Variants in CLCN7 observed in about 807,000 individuals in gnomAD.
The protein encoded by CLCN7 is Cl-/H+ antiporter 7, also known as H(+)/Cl(-) exchange transporter 7.
A neutral mutation model predicts 102.1 loss-of-function variants in CLCN7; 60 were observed. That is an observed-to-expected ratio of 0.59 (90% confidence interval 0.48 to 0.73). The LOEUF is 0.73. Ranked by LOEUF, CLCN7 falls within the 30% of genes least tolerant of loss-of-function variation. The probability of loss-of-function intolerance (pLI) is 0.00; values close to 1 mark genes in which losing one functional copy is unlikely to be tolerated. For synonymous variants in CLCN7, 560 were observed against 490.5 expected (o/e 1.14, Z -1.87); for missense variants, 962 against 1,125.7 (o/e 0.85, Z 2.08).
At position 1,459,236 on chromosome 16, in the gene CLCN7, G is replaced by A. The variant is rs756091120; in HGVS notation, c.595-49C>T. The A allele has an allele frequency of 5.9e-6, 9 of 1,537,782 alleles. No individual in the cohort carries two copies. The South Asian group carries it at 6.8e-5, about 12-fold the overall frequency. ...AGTGGGTCACGGCCAGGCTGAGACA[G>A]ATGCAGCCCCTCAGCCCCAGGAGCC... On this transcript the variant is annotated intron_variant, in intron 6 of 24. Coordinates refer to ENST00000382745, the MANE Select transcript of CLCN7 (RefSeq NM_001287.6).
At chr16:1,447,325 G>A in intron 23 of CLCN7, 67 bp downstream of exon 23, 1 of 1,472,220 alleles carries the variant, frequency 6.8e-7, no homozygotes, top group South Asian at 1.3e-5. Context: ...CCCTCCCCGA[G>A]GCTCTGGACC....
At chr16:1,470,201 T>C (rs2039058526) in intron 1 of CLCN7, among the ~76,000 whole-genome samples, 1 of 152,240 alleles carries the variant, frequency 6.6e-6, no homozygotes, top group South Asian at 2.1e-4. Context: ...CTTGCTATGT[T>C]GCCCAGGCTG....
At chr16:1,459,430 C>A (rs1356520652) in intron 6 of CLCN7, 5 of 442,948 alleles carry the variant, frequency 1.1e-5, no homozygotes, top group African/African-American at 4.7e-5. Flanking sequence ...TCAGCACACA[C>A]GTCGGGGCAT....
chr16:1,454,314 T>C, intron 13 of CLCN7, 97 bp downstream of exon 13: 1 of 1,310,288 alleles, frequency 7.6e-7, no homozygotes, highest in Non-Finnish European at 1.1e-6. Flanking sequence ...GAGGGCAGGC[T>C]CCAGGGAGCC....
At position 1,460,933 on chromosome 16, in the gene CLCN7, C is replaced by A. The variant is rs1225191254; in HGVS notation, c.367G>T (p.Glu123Ter). Residue 123 changes from glutamate (E) to a stop codon, truncating the protein, a stop_gained, in exon 5 of 25, where the codon GAG becomes TAG. Coordinates refer to ENST00000382745, the MANE Select transcript of CLCN7 (RefSeq NM_001287.6). LOFTEE classifies it high-confidence loss of function. ...GCGCAGATGACCCAGCGCTTGATCTCCACCGTCCGGAAGGCCTGCAGGGCG... is the reference window on the plus strand; with the variant it reads ...GCGCAGATGACCCAGCGCTTGATCTACACCGTCCGGAAGGCCTGCAGGGCG... ...RINHTAFRTV[E>*]IKRWVICALI... 1 of 1,613,520 alleles carries A rather than the reference C, an allele frequency of 6.2e-7. No homozygotes were observed. The highest frequency in any genetic ancestry group is 1.7e-5 in the Admixed American group (1 of 60,012).
intron 21 of CLCN7, among the ~76,000 whole-genome samples, chr16:1,448,007 A>G (rs2038681032): frequency 1.3e-5 from 2 of 152,190 alleles, no homozygotes; most frequent in Admixed American, 6.5e-5. Flanking sequence ...CTGGGTCCCA[A>G]TAAAAACCAA....
chr16:1,464,362 T>A (rs1353527739), intron 2 of CLCN7, among the ~76,000 whole-genome samples: 1 of 152,018 alleles, frequency 6.6e-6, no homozygotes, highest in Non-Finnish European at 1.5e-5. Flanking sequence ...CTCCTGCCCC[T>A]CCCAAAGCTG....
rs779004440 is a variant in CLCN7 at position 1,474,901 on chromosome 16, C to G, written c.74G>C (p.Arg25Pro). Residue 25 changes from arginine to proline, a missense_variant, in exon 1 of 25, where the codon CGG becomes CCG. Physicochemically the swap from Arg to Pro is moderately radical, Grantham distance 103. Coordinates refer to ENST00000382745, the MANE Select transcript of CLCN7 (RefSeq NM_001287.6). The stretch of plus-strand genomic sequence containing the variant: ...CCCCCCGCCGGGCCGCGCCGTCCTC[C>G]GCAGCAGCGGCGCCGCCTCCTCGTC... The part of the protein sequence containing the change: ...RDDEEAAPLL[R>P]RTARPGGGTP... The G allele has an allele frequency of 3.4e-6, 5 of 1,461,696 alleles. No homozygotes were observed. The East Asian group carries it at 9.1e-5, about 27-fold the overall frequency. The allele number at this position is 1,461,696 out of a possible 1,614,324, so 90.5% of individuals were successfully genotyped here. A position where few individuals can be genotyped will look rare whatever the true frequency, so the allele number is the denominator to read the frequency against.
At chr16:1,458,132 T>A (rs1281672680) in intron 7 of CLCN7, among the ~76,000 whole-genome samples, 1 of 152,204 alleles carries the variant, frequency 6.6e-6, no homozygotes, top group Non-Finnish European at 1.5e-5. Flanking sequence ...AGGCTCCTCA[T>A]ACACCCCTGG....
At chr16:1,451,590 C>T in intron 16 of CLCN7, 33 bp downstream of exon 16, 2 of 1,590,532 alleles carry the variant, frequency 1.3e-6, no homozygotes, top group Non-Finnish European at 1.7e-6. Flanking sequence ...GCCCTGATCC[C>T]AGGGCCTGCC....
intron 19 of CLCN7, 75 bp from the exon 20 acceptor site, chr16:1,448,841 C>A (rs1003197003): frequency 4.4e-5 from 70 of 1,595,974 alleles, no homozygotes; most frequent in Non-Finnish European, 5.6e-5. Context: ...CCCCTGGGAG[C>A]CCAGAGGCCG....
rs376638904 is a variant in CLCN7, at chr16:1,447,070, C to T, written c.2267G>A (p.Arg756Gln). ...CAGGGCCCGGAACAGCTTGAACACC[C>T]GTGGGAGCGACGCCTCCTGCAGCAG... Reference protein sequence around the residue: ...YTVPQEASLPRVFKLFRALGL... With the variant: ...YTVPQEASLPQVFKLFRALGL... The change falls in exon 24 of 25, where the codon CGG becomes CAG. Residue 756 changes from arginine (R) to glutamine (Q), a missense_variant. Physicochemically the swap from Arg to Gln is conservative, Grantham distance 43. Around this residue, in one of 2 missense-constraint regions of CLCN7, gnomAD observed 799 missense variants for 988.0 expected, o/e 0.81. Coordinates refer to ENST00000382745, the MANE Select transcript of CLCN7 (RefSeq NM_001287.6). The T allele has an allele frequency of 6.2e-6, 10 of 1,600,602 alleles. No individual in the cohort carries two copies. Among genetic ancestry groups the T allele is most frequent in the African/African-American group, 1.3e-5 (1 of 74,846 alleles).
intron 4 of CLCN7, 141 bp from the exon 5 acceptor site, chr16:1,461,089 A>G: frequency 8.4e-7 from 1 of 1,188,204 alleles, no homozygotes; most frequent in African/African-American, 1.5e-5. Context: ...CACAAAGGAC[A>G]GTTTCTGGCC....
chr16:1,454,214 G>A lies in CLCN7; in HGVS notation c.1153+197C>T, dbSNP rs12934261. Among the ~76,000 whole-genome samples, 13,893 of 152,302 alleles carry A rather than the reference G, an allele frequency of 0.091. 727 individuals carry two copies. Among genetic ancestry groups the A allele is most frequent in the African/African-American group, 0.11 (4,479 of 41,556 alleles). On this transcript the variant is annotated intron_variant, in intron 13 of 24. Coordinates refer to ENST00000382745, the MANE Select transcript of CLCN7 (RefSeq NM_001287.6). ...GTTTTTGCCAACAGAGATAAACAAC[G>A]GGAAGCCACAGAAGCGAAGCTTTGG...
chr16:1,456,449 C>T lies in CLCN7; in HGVS notation c.823-243G>A, dbSNP rs369227107. On this transcript the variant is annotated intron_variant, in intron 9 of 24. Transcript: ENST00000382745. ...CAGCCAGGAGCTCCACTTTCCAGCG[C>T]ACGCAAGATTCCAAAAACCTCTACC... Among the ~76,000 whole-genome samples, 51 of 152,328 alleles carry T rather than the reference C, an allele frequency of 3.3e-4. 1 individual carries two copies. The East Asian group carries it at 4.1e-3, about 12-fold the overall frequency.
At position 1,470,769 on chromosome 16, in the gene CLCN7, C is replaced by T. The variant is rs78880022; in HGVS notation, c.141+4065G>A. On this transcript the variant is annotated intron_variant, in intron 1 of 24. Transcript: ENST00000382745. ...CAGACCCTCCCCCGCAGCCTTGCTG[C>T]GCCCACAGTTCTTTCTCAGGCTGCG... Among the ~76,000 whole-genome samples, 679 of 152,328 alleles carry T rather than the reference C, an allele frequency of 4.5e-3. 7 individuals carry two copies. Among genetic ancestry groups the T allele is most frequent in the African/African-American group, 0.015 (630 of 41,568 alleles).
intron 15 of CLCN7, 32 bp from the exon 16 acceptor site, chr16:1,451,748 G>A (rs1286508631): frequency 1.9e-6 from 3 of 1,572,956 alleles, no homozygotes; most frequent in Non-Finnish European, 1.7e-6. Context: ...CACGTTGGGA[G>A]GGGAGATGAG....
At chr16:1,461,013 G>A (rs1478148617) in intron 4 of CLCN7, 65 bp from the exon 5 acceptor site, 2 of 1,576,612 alleles carry the variant, frequency 1.3e-6, no homozygotes, top group Non-Finnish European at 1.7e-6. Context: ...GCAGCAGCAG[G>A]ACCGCCCAGA....
At position 1,451,671 on chromosome 16, in the gene CLCN7, A is replaced by G; in HGVS notation, c.1399T>C (p.Phe467Leu). ...ACCACGCTCTTCTCCGGGGTGTTGA[A>G]GAAGGCCGCAGCCATGGAGTTGTAC... The part of the protein sequence containing the change: ...GEYNSMAAAF[F>L]NTPEKSVVSL... Residue 467 changes from phenylalanine to leucine, a missense_variant, in exon 16 of 25, where the codon TTC becomes CTC. Physicochemically the swap from Phe to Leu is conservative, Grantham distance 22. Around this residue, in one of 2 missense-constraint regions of CLCN7, gnomAD observed 799 missense variants for 988.0 expected, o/e 0.81. Transcript: ENST00000382745. The G allele has an allele frequency of 1.9e-6, 3 of 1,612,830 alleles. No individual in the cohort carries two copies. The highest frequency in any genetic ancestry group is 2.5e-6 in the Non-Finnish European group (3 of 1,179,946).
Sources: allele counts gnomAD v4.1 joint callset (sites outside exome capture counted in the v4.1 genomes callset), GRCh38; gene constraint gnomAD v4.1.1; regional missense constraint gnomAD v4.1.1; transcripts MANE v1.5; gene names NCBI Gene and HGNC (gene_info 2026-07-23, HGNC 2026-07-21).